SGMS1: variants seen among roughly 807,000 people sequenced by gnomAD.
SGMS1 encodes the protein sphingomyelin synthase 1, also known as phosphatidylcholine:ceramide cholinephosphotransferase 1.
In SGMS1, 13 loss-of-function variants were observed where a neutral mutation model predicts 46.2. The ratio of observed to expected loss-of-function variants is 0.28; its 90% CI spans 0.18 to 0.45. The LOEUF (loss-of-function observed/expected upper bound fraction) is 0.45. Ranked by LOEUF, SGMS1 falls within the 20% of genes least tolerant of loss-of-function variation. The pLI, the probability that SGMS1 is intolerant of heterozygous loss-of-function variation, is 1.00. For synonymous variants in SGMS1, 203 were observed against 187.8 expected (o/e 1.08, Z -0.66); for missense variants, 324 against 519.9 (o/e 0.62, Z 3.66).
At chr10:50,616,571 C>T (rs779328383) in intron 1 of SGMS1, among the ~76,000 whole-genome samples, 1 of 152,086 alleles carries the variant, frequency 6.6e-6, no homozygotes, top group African/African-American at 2.4e-5. Flanking sequence ...CCCTAAGCGG[C>T]GGGGGGTGTT....
chr10:50,572,781 T>C (rs2131860556), intron 2 of SGMS1, among the ~76,000 whole-genome samples: 1 of 152,284 alleles, frequency 6.6e-6, no homozygotes, highest in East Asian at 1.9e-4. Flanking sequence ...CTTTTTGTAT[T>C]TATATAGTAA....
Position 50,307,045 on chromosome 10 carries a change from G to T in SGMS1, c.*97C>A. ...GGTTAAGTCAAGGTAACCATTGAAA[G>T]ATAATAGGATTAGGGAGGTGTTTAT... On this transcript the variant is annotated 3_prime_UTR_variant, in exon 11 of 11. Transcript: ENST00000361781. This position sits in a 1 kb window ranked among gnomAD's most constrained non-coding sequence, Gnocchi z 4.2. The T allele has an allele frequency of 8.3e-7, 1 of 1,204,870 alleles. No homozygotes were observed. Among genetic ancestry groups the T allele is most frequent in the Non-Finnish European group, 1.2e-6 (1 of 866,060 alleles). The allele number at this position is 1,204,870 out of a possible 1,614,324, so 74.6% of individuals were successfully genotyped here.
At chr10:50,574,778 C>A (rs535061243) in intron 2 of SGMS1, among the ~76,000 whole-genome samples, 1 of 151,582 alleles carries the variant, frequency 6.6e-6, no homozygotes, top group African/African-American at 2.4e-5. Context: ...AATGTGGTAC[C>A]GTAGGAAGAT....
At chr10:50,318,108 T>C (rs1185431321) in intron 8 of SGMS1, among the ~76,000 whole-genome samples, 1 of 152,244 alleles carries the variant, frequency 6.6e-6, no homozygotes, top group Non-Finnish European at 1.5e-5. Flanking sequence ...GCCCGGCCTA[T>C]AAAAATCATT....
At chr10:50,372,433 G>C (rs187795376) in intron 6 of SGMS1, among the ~76,000 whole-genome samples, 2 of 152,154 alleles carry the variant, frequency 1.3e-5, no homozygotes, top group African/African-American at 4.8e-5. Flanking sequence ...GGTGGCTCAC[G>C]CCTGTAATCC....
chr10:50,316,100 T>C (rs1847333406), intron 8 of SGMS1, among the ~76,000 whole-genome samples: 1 of 152,206 alleles, frequency 6.6e-6, no homozygotes, highest in Non-Finnish European at 1.5e-5. Context: ...AGTTTGCAGA[T>C]GGCTTAGAGC....
At chr10:50,311,214 T>C (rs368539332) in intron 9 of SGMS1, 48 bp downstream of exon 9, 84 of 1,582,906 alleles carry the variant, frequency 5.3e-5, no homozygotes, top group Middle Eastern at 2.2e-4. Context: ...CCAGAGTTCA[T>C]GAGAAATGGC....
intron 6 of SGMS1, among the ~76,000 whole-genome samples, chr10:50,391,544 A>G (rs1454377160): frequency 6.6e-6 from 1 of 152,220 alleles, no homozygotes; most frequent in Non-Finnish European, 1.5e-5. Flanking sequence ...TGTGGAGAAA[A>G]GGGAACACTT....
At chr10:50,577,926 G>A (rs1397039265) in intron 2 of SGMS1, among the ~76,000 whole-genome samples, 1 of 152,222 alleles carries the variant, frequency 6.6e-6, no homozygotes, top group African/African-American at 2.4e-5. Flanking sequence ...GCCAGGGCCA[G>A]AAATGACCAT....
At chr10:50,486,877 T>G (rs1190875255) in intron 3 of SGMS1, among the ~76,000 whole-genome samples, 1 of 152,218 alleles carries the variant, frequency 6.6e-6, no homozygotes, top group African/African-American at 2.4e-5. Context: ...ATTGCAGCAC[T>G]ATTCACAATA....
intron 6 of SGMS1, among the ~76,000 whole-genome samples, chr10:50,375,670 G>A (rs1322388130): frequency 1.3e-5 from 2 of 152,148 alleles, no homozygotes; most frequent in African/African-American, 4.8e-5. Flanking sequence ...TTCACAGCCT[G>A]GCTGAAGTTC....
chr10:50,580,319 G>A (rs1838421238), intron 2 of SGMS1, among the ~76,000 whole-genome samples: 1 of 152,036 alleles, frequency 6.6e-6, no homozygotes, highest in African/African-American at 2.4e-5. Flanking sequence ...TTTAAAAAGA[G>A]ACGATGATTA....
chr10:50,434,620 T>C (rs1849449831), intron 5 of SGMS1, among the ~76,000 whole-genome samples: 1 of 151,390 alleles, frequency 6.6e-6, no homozygotes, highest in African/African-American at 2.4e-5. Context: ...CTCACGCCTC[T>C]AATCCCAGCA....
intron 7 of SGMS1, among the ~76,000 whole-genome samples, chr10:50,328,977 T>A (rs925089349): frequency 6.6e-6 from 1 of 152,210 alleles, no homozygotes; most frequent in Admixed American, 6.5e-5. Flanking sequence ...CCTGCTAAAG[T>A]GAACAGAAAT....
chr10:50,589,051 G>C (rs1008430965), intron 2 of SGMS1, among the ~76,000 whole-genome samples: 1 of 151,972 alleles, frequency 6.6e-6, no homozygotes, highest in Non-Finnish European at 1.5e-5. Context: ...TGTGAATCTT[G>C]ATCAGGGAGA....
At chr10:50,624,540 A>C, upstream of SGMS1, 8 of 965,740 alleles carry the variant, frequency 8.3e-6, no homozygotes, top group Non-Finnish European at 9.8e-6. Context: ...CGGAGGCGCA[A>C]GAGCTCTAAC....
chr10:50,311,355 AG>A lies in SGMS1; in HGVS notation c.801del (p.Leu268CysfsTer22). 6.2e-7 allele frequency: 1 copy of A among 1,614,050 alleles called. No individual in the cohort carries two copies. The highest frequency in any genetic ancestry group is 8.5e-7 in the Non-Finnish European group (1 of 1,179,932). ...RRIMKLIAGGGLSITGSHNMC... is the reference protein window; with the variant it reads ...RRIMKLIAGGXLSITGSHNMC... ...ATGTTGTGAGAGCCAGTGATAGACA[AG>A]CCACCTCCAGCAATGAGCTTCATTA... On this transcript the variant is annotated frameshift_variant, in exon 9 of 11. Transcript: ENST00000361781. LOFTEE classifies it high-confidence loss of function.
intron 2 of SGMS1, among the ~76,000 whole-genome samples, chr10:50,562,437 C>G (rs181975548): frequency 6.6e-6 from 1 of 152,088 alleles, no homozygotes; most frequent in Admixed American, 6.6e-5. Context: ...CACCTTCCCC[C>G]CACCACCTCT....
chr10:50,330,888 T>C (rs747722390), intron 7 of SGMS1, among the ~76,000 whole-genome samples: 1 of 152,184 alleles, frequency 6.6e-6, no homozygotes, highest in African/African-American at 2.4e-5. Flanking sequence ...TATCTTTACA[T>C]AGATGCTAGT....
Sources: allele counts gnomAD v4.1 joint callset (sites outside exome capture counted in the v4.1 genomes callset), GRCh38; gene constraint gnomAD v4.1.1; non-coding constraint Gnocchi (gnomAD v3.1); transcripts MANE v1.5; gene names NCBI Gene and HGNC (gene_info 2026-07-23, HGNC 2026-07-21).